ADD2: variants seen among roughly 807,000 people sequenced by gnomAD.
ADD2 encodes beta-adducin.
In ADD2, 23 loss-of-function variants were observed where a neutral mutation model predicts 83.0. The ratio of observed to expected loss-of-function variants is 0.28; its 90% CI spans 0.20 to 0.39. ADD2 has a LOEUF of 0.39. Among genes scored for constraint, ADD2 ranks in the 10% least tolerant of loss-of-function variants. The pLI is 1.00. For synonymous variants in ADD2, 375 were observed against 375.4 expected (o/e 1.00, Z 0.01); for missense variants, 758 against 944.9 (o/e 0.80, Z 2.59).
chr2:70,713,365 C>A (rs868946660), intron 1 of ADD2, among the ~76,000 whole-genome samples, 181 bp from the exon 2 acceptor site: 12 of 152,230 alleles, frequency 7.9e-5, no homozygotes, highest in Non-Finnish European at 1.6e-4. Context: ...GTAATCCCAG[C>A]ACTTTGGGAG....
intron 9 of ADD2, among the ~76,000 whole-genome samples, chr2:70,684,258 T>A (rs938054864): frequency 5.9e-5 from 9 of 152,050 alleles, no homozygotes; most frequent in Non-Finnish European, 8.8e-5. Context: ...TATTTTTTTT[T>A]ATTTTTATTT....
At position 70,663,636 on chromosome 2, in the gene ADD2, G is replaced by A. The variant is rs371492015; in HGVS notation, c.1970C>T (p.Thr657Met). The A allele has an allele frequency of 7.2e-5, 116 of 1,613,946 alleles. No homozygotes were observed. The highest frequency in any genetic ancestry group is 9.2e-5 in the Non-Finnish European group (109 of 1,180,010). Residue 657 changes from threonine (T) to methionine (M), a missense_variant, in exon 16 of 16, where the codon ACG becomes ATG. Thr to Met is a moderately conservative substitution (Grantham distance 81). Around this residue, in one of 5 missense-constraint regions of ADD2, gnomAD observed 165 missense variants for 176.2 expected, o/e 0.94. Coordinates refer to ENST00000264436, the MANE Select transcript of ADD2 (RefSeq NM_001617.4). ...GCCTTTGCTGAGGATTTCCTCTGCC[G>A]TCTGCTCCTCCTCCCTCCCGTTGAC... The part of the protein sequence containing the change: ...VVVNGREEEQ[T>M]AEEILSKGLS...
chr2:70,683,743 C>T lies in ADD2; in HGVS notation c.973G>A (p.Gly325Arg). Residue 325 changes from glycine (G) to arginine (R), a missense_variant, in exon 10 of 16, where the codon GGA (glycine) becomes AGA (arginine). This residue lies in a region of ADD2 where 394 missense variants were observed against 509.3 expected (regional missense o/e 0.77). Coordinates refer to ENST00000264436, the MANE Select transcript of ADD2 (RefSeq NM_001617.4). ...IQVSALSSAGGVENLILLEQE... is the reference protein window; with the variant it reads ...IQVSALSSAGRVENLILLEQE... ...TCCAGGAGGATGAGGTTCTCCACTC[C>T]CCCGGCACTGGACAGAGCCGACACC... 1 of 1,613,910 alleles carries T rather than the reference C, an allele frequency of 6.2e-7. No individual in the cohort carries two copies. The highest frequency in any genetic ancestry group is 1.1e-5 in the South Asian group (1 of 91,060).
At chr2:70,668,589 T>A (rs1219098720) in intron 15 of ADD2, among the ~76,000 whole-genome samples, 11 of 152,208 alleles carry the variant, frequency 7.2e-5, no homozygotes, top group African/African-American at 2.7e-4. Context: ...GACAACATGT[T>A]CAAGCCATGT....
rs115708957 is a variant in ADD2, at chr2:70,748,317, T to G, written c.-154+19569A>C. Among the ~76,000 whole-genome samples the G allele has an allele frequency of 6.4e-3, 977 of 152,188 alleles. 8 individuals are homozygous for G. Among genetic ancestry groups the G allele is most frequent in the African/African-American group, 0.022 (917 of 41,508 alleles). Reference sequence around the variant, plus strand: ...AAAAAAAAAAAAAAGGAATCCTTTTTTGGAATCTATTCTGTGTCTCTGTGT... The same window carrying G: ...AAAAAAAAAAAAAAGGAATCCTTTTGTGGAATCTATTCTGTGTCTCTGTGT... On this transcript the variant is annotated intron_variant, in intron 1 of 15. Transcript: ENST00000264436.
chr2:70,763,554 C>A (rs1675226325), intron 1 of ADD2, among the ~76,000 whole-genome samples: 1 of 151,942 alleles, frequency 6.6e-6, no homozygotes, highest in Non-Finnish European at 1.5e-5. Context: ...AATATGTATA[C>A]TCATAAATAC....
chr2:70,717,205 G>C (rs1413077624), intron 1 of ADD2, among the ~76,000 whole-genome samples: 1 of 151,774 alleles, frequency 6.6e-6, no homozygotes, highest in African/African-American at 2.4e-5. Context: ...GGCAGCTGGA[G>C]ACTACACATC....
chr2:70,692,403 C>A lies in ADD2; in HGVS notation c.705G>T (p.Ala235=). Reference sequence around the variant, plus strand: ...GGTGGCTGAGAAGGAGTCCACTCACCGCTGCTGTGGCCGGTGTGTGCAGGT... The same window carrying A: ...GGTGGCTGAGAAGGAGTCCACTCACAGCTGCTGTGGCCGGTGTGTGCAGGT... The part of the protein sequence containing the change: ...IIHLHTPATA[A]VSAMKWGLLP... Residue 235 remains alanine, a splice_region_variant and synonymous_variant, in exon 7 of 16, where the codon GCG becomes GCT. Coordinates refer to ENST00000264436, the MANE Select transcript of ADD2 (RefSeq NM_001617.4). 1 of 1,558,818 alleles carries A rather than the reference C, an allele frequency of 6.4e-7. No homozygotes were observed. The highest frequency in any genetic ancestry group is 8.7e-7 in the Non-Finnish European group (1 of 1,151,662).
Position 70,738,787 on chromosome 2 carries a change from TC to T in ADD2, c.-153-25604del, listed in dbSNP as rs1442501349. 5.9e-5 allele frequency among the ~76,000 whole-genome samples: 9 copies of T among 152,318 alleles called. No homozygotes were observed. The South Asian group carries it at 1.9e-3, about 32-fold the overall frequency. ...TCTAGGCTACTTGTAAAGAGATGTA[TC>T]TATGATCAAGTCATAAAATATTACT... On this transcript the variant is annotated intron_variant, in intron 1 of 15. Coordinates refer to ENST00000264436, the MANE Select transcript of ADD2 (RefSeq NM_001617.4).
In ADD2 at chr2:70,713,223, C is replaced by T. The variant is rs1385011656; in HGVS notation, c.-153-39G>A. On this transcript the variant is annotated intron_variant, in intron 1 of 15. Coordinates refer to ENST00000264436, the MANE Select transcript of ADD2 (RefSeq NM_001617.4). ...ACACGACAAGTGTCAGGGCCTGCAC[C>T]ACCATGACTCTTCACCTGATTTATA... 5 of 807,814 alleles carry T rather than the reference C, an allele frequency of 6.2e-6. No homozygotes were observed. In the African/African-American group the frequency reaches 9.3e-5, roughly 15 times the overall value. 50.0% of individuals were successfully genotyped at this position (807,814 alleles called of 1,614,324 possible).
intron 1 of ADD2, among the ~76,000 whole-genome samples, chr2:70,729,335 G>T (rs373235002): frequency 6.6e-5 from 10 of 152,308 alleles, no homozygotes; most frequent in Middle Eastern, 3.4e-3. Context: ...GTAGGTCTCT[G>T]AGCCACTTCC....
At chr2:70,736,123 G>A (rs1343725788) in intron 1 of ADD2, among the ~76,000 whole-genome samples, 2 of 152,058 alleles carry the variant, frequency 1.3e-5, no homozygotes, top group East Asian at 3.9e-4. Context: ...TCTAACTGCC[G>A]GGGGTGGGGG....
chr2:70,691,008 T>C (rs1553371523), intron 7 of ADD2, 79 bp from the exon 8 acceptor site: 5 of 1,485,644 alleles, frequency 3.4e-6, no homozygotes, highest in African/African-American at 1.4e-5. Flanking sequence ...AGCTCTACTC[T>C]GGGGGCCAGT....
chr2:70,695,576 TTG>T (rs1671266049), intron 6 of ADD2, 143 bp downstream of exon 6: 1 of 705,812 alleles, frequency 1.4e-6, no homozygotes, highest in African/African-American at 1.8e-5. Flanking sequence ...GACACTTAGT[TTG>T]TTCCATGTGT....
At chr2:70,715,653 A>G (rs1414109246) in intron 1 of ADD2, among the ~76,000 whole-genome samples, 1 of 152,112 alleles carries the variant, frequency 6.6e-6, no homozygotes, top group African/African-American at 2.4e-5. Flanking sequence ...CCCGGACATT[A>G]AAACACTCAG....
chr2:70,761,613 A>C (rs1675100847), intron 1 of ADD2, among the ~76,000 whole-genome samples: 1 of 150,088 alleles, frequency 6.7e-6, no homozygotes, highest in African/African-American at 2.5e-5. Flanking sequence ...AAAAAAAGGA[A>C]GGAAGGAAGG....
intron 4 of ADD2, among the ~76,000 whole-genome samples, chr2:70,698,933 AG>A (rs1200734384): frequency 6.6e-6 from 1 of 152,120 alleles, no homozygotes; most frequent in Non-Finnish European, 1.5e-5. Context: ...AGGCAAATGG[AG>A]CTAGACAGAT....
intron 1 of ADD2, among the ~76,000 whole-genome samples, chr2:70,732,118 C>T (rs1673313181): frequency 6.6e-6 from 1 of 152,176 alleles, no homozygotes; most frequent in Admixed American, 6.5e-5. Context: ...GCACAGGCAG[C>T]AGGGGAGAAC....
intron 1 of ADD2, among the ~76,000 whole-genome samples, chr2:70,763,747 C>T (rs1553385445): frequency 6.6e-6 from 1 of 151,814 alleles, no homozygotes; most frequent in African/African-American, 2.4e-5. Context: ...TATATTTATT[C>T]CTATATTATT....
Sources: gnomAD v4.1 joint callset for allele counts (sites outside exome capture counted in the v4.1 genomes callset) on GRCh38, gnomAD v4.1.1 for gene constraint, gnomAD v4.1.1 regional missense constraint, MANE v1.5 for transcripts, NCBI Gene and HGNC (gene_info 2026-07-23, HGNC 2026-07-21) for gene names.